CYYR1: variants seen among roughly 807,000 people sequenced by gnomAD.
CYYR1 encodes the protein cysteine and tyrosine rich 1.
In CYYR1, 14 loss-of-function variants were observed where a neutral mutation model predicts 15.2. That is an observed-to-expected ratio of 0.92 (90% confidence interval 0.61 to 1.44). The LOEUF is 1.44. Among genes scored for constraint, CYYR1 ranks in the 40% most tolerant of loss-of-function variants. CYYR1 has a pLI of 0.00. For missense variants in CYYR1, 228 were observed against 209.5 expected (o/e 1.09, Z -0.54); for synonymous variants, 80 against 77.4 (o/e 1.03, Z -0.18).
rs1171672901 is a variant in CYYR1 at position 26,573,198 on chromosome 21, C to G, written c.-258G>C. The G allele has an allele frequency of 6.9e-7, 1 of 1,451,316 alleles. No individual in the cohort carries two copies. Among genetic ancestry groups the G allele is most frequent in the African/African-American group, 1.4e-5 (1 of 69,172 alleles). 89.9% of individuals were successfully genotyped at this position (1,451,316 alleles called of 1,614,324 possible). A position where few individuals can be genotyped will look rare whatever the true frequency, so the allele number is the denominator to read the frequency against. On this transcript the variant is annotated 5_prime_UTR_variant, in exon 1 of 4. Transcript: ENST00000652641. ...GGGGCCCAGGTCTCTTTGTCTCGCCCCACTGCGCTCAGGCGCGGGGAAGGC... is the reference window on the plus strand; with the variant it reads ...GGGGCCCAGGTCTCTTTGTCTCGCCGCACTGCGCTCAGGCGCGGGGAAGGC...
chr21:26,523,579 C>T (rs1348041003), intron 2 of CYYR1, among the ~76,000 whole-genome samples: 2 of 152,202 alleles, frequency 1.3e-5, no homozygotes, highest in Non-Finnish European at 2.9e-5. Context: ...TTTTCTACCA[C>T]TCATTCACTC....
At chr21:26,549,411 T>C (rs1408538106) in intron 2 of CYYR1, among the ~76,000 whole-genome samples, 1 of 152,198 alleles carries the variant, frequency 6.6e-6, no homozygotes, top group African/African-American at 2.4e-5. Context: ...TATTGTACTC[T>C]TTTCCCTTTC....
At chr21:26,479,645 T>C (rs1048401059) in intron 3 of CYYR1, among the ~76,000 whole-genome samples, 1 of 152,148 alleles carries the variant, frequency 6.6e-6, no homozygotes, top group East Asian at 1.9e-4. Context: ...ATTATTAATA[T>C]ATTGCCCTTG....
At chr21:26,561,439 C>A (rs2830282) in intron 2 of CYYR1, among the ~76,000 whole-genome samples, 1 of 152,012 alleles carries the variant, frequency 6.6e-6, no homozygotes, top group Non-Finnish European at 1.5e-5. Context: ...TCAAATGCCA[C>A]TCGAAAATAT....
chr21:26,468,617 C>T lies in CYYR1; in HGVS notation c.352G>A (p.Gly118Ser), dbSNP rs763257233. The T allele has an allele frequency of 1.5e-5, 24 of 1,607,668 alleles. No homozygotes were observed. In the Admixed American group the frequency reaches 1.9e-4, roughly 12 times the overall value. Residue 118 changes from glycine (G) to serine (S), a missense_variant, in exon 4 of 4, where the codon GGT (glycine) becomes AGT (serine). Transcript: ENST00000652641. Reference sequence around the variant, plus strand: ...CAGTATTCCATCTCGTGGTCGTGACCGTAGGGTGGTGGTCCTGCTGAAAAA... The same window carrying T: ...CAGTATTCCATCTCGTGGTCGTGACTGTAGGGTGGTGGTCCTGCTGAAAAA... The part of the protein sequence containing the change: ...SSYPAGPPPY[G>S]HDHEMEYCAD...
At chr21:26,555,388 T>A (rs1979699538) in intron 2 of CYYR1, among the ~76,000 whole-genome samples, 1 of 152,212 alleles carries the variant, frequency 6.6e-6, no homozygotes, top group Non-Finnish European at 1.5e-5. Context: ...TAGAGTTGGC[T>A]ATTTGCAACC....
intron 2 of CYYR1, among the ~76,000 whole-genome samples, chr21:26,508,196 C>G (rs570945300): frequency 6.6e-6 from 1 of 152,300 alleles, no homozygotes; most frequent in African/African-American, 2.4e-5. Flanking sequence ...AAACAACAAG[C>G]GGCTTTGTGT....
intron 2 of CYYR1, among the ~76,000 whole-genome samples, chr21:26,539,961 TATAAA>T (rs1396811560): frequency 6.6e-6 from 1 of 152,234 alleles, no homozygotes; most frequent in Non-Finnish European, 1.5e-5. Context: ...TCTGATTTAA[TATAAA>T]AGTAAGAGGA....
At chr21:26,478,029 T>A (rs1424140749) in intron 3 of CYYR1, 1 of 1,545,254 alleles carries the variant, frequency 6.5e-7, no homozygotes, top group African/African-American at 1.4e-5. Flanking sequence ...GTTGTGTTCA[T>A]CATTCATTCA....
chr21:26,573,093 C>T lies in CYYR1; in HGVS notation c.-153G>A. On this transcript the variant is annotated 5_prime_UTR_variant, in exon 1 of 4. Transcript: ENST00000652641. ...TGCCTAGGGAGCCTTCCAAGGGAGC[C>T]CGGGCCGGGCGCGTCCCGGGCCAGC... is the stretch of plus-strand genomic sequence containing the variant. 6.5e-7 allele frequency: 1 copy of T among 1,527,394 alleles called. No homozygotes were observed. Among genetic ancestry groups the T allele is most frequent in the East Asian group, 2.5e-5 (1 of 40,208 alleles). 94.6% of individuals were successfully genotyped at this position (1,527,394 alleles called of 1,614,324 possible).
intron 2 of CYYR1, among the ~76,000 whole-genome samples, chr21:26,535,895 G>A (rs1487845573): frequency 6.6e-6 from 1 of 152,164 alleles, no homozygotes; most frequent in Non-Finnish European, 1.5e-5. Context: ...TAAGTTGCCA[G>A]AGAAGCATGA....
At chr21:26,550,445 TG>T (rs1979305802) in intron 2 of CYYR1, 1 of 152,146 alleles carries the variant, frequency 6.6e-6, no homozygotes, top group Admixed American at 6.5e-5. Context: ...AAGCTAGAAA[TG>T]ATTAAGCTTC....
chr21:26,500,424 T>C (rs1419455557), intron 2 of CYYR1, among the ~76,000 whole-genome samples: 1 of 151,298 alleles, frequency 6.6e-6, no homozygotes, highest in African/African-American at 2.4e-5. Context: ...AATAGGAGAG[T>C]CTGAGTCTTT....
At chr21:26,474,926 T>C (rs1473788239) in intron 3 of CYYR1, among the ~76,000 whole-genome samples, 2 of 152,164 alleles carry the variant, frequency 1.3e-5, no homozygotes, top group Non-Finnish European at 2.9e-5. Context: ...TTATGGGCCA[T>C]CACTAAAATT....
chr21:26,564,516 C>G (rs1436147536), intron 2 of CYYR1: 2 of 272,934 alleles, frequency 7.3e-6, no homozygotes, highest in Admixed American at 1.3e-4. Context: ...CTTCACTTAA[C>G]CAGCGGTGAG....
chr21:26,500,094 G>A (rs1037237551), intron 2 of CYYR1, among the ~76,000 whole-genome samples: 4 of 152,038 alleles, frequency 2.6e-5, no homozygotes, highest in African/African-American at 9.7e-5. Flanking sequence ...CCACCATCTT[G>A]CTGTGTCTTC....
chr21:26,522,187 C>T (rs1284229570), intron 2 of CYYR1, among the ~76,000 whole-genome samples: 1 of 152,172 alleles, frequency 6.6e-6, no homozygotes, highest in Non-Finnish European at 1.5e-5. Context: ...AATATTCCCA[C>T]TGTAGAGAAG....
chr21:26,482,505 T>TCA, intron 2 of CYYR1: 7 of 985,368 alleles, frequency 7.1e-6, no homozygotes, highest in Non-Finnish European at 7.2e-6. Context: ...TTGCTGGTCC[T>TCA]CACATTTAGT....
intron 2 of CYYR1, among the ~76,000 whole-genome samples, chr21:26,563,097 T>C (rs370857027): frequency 1.3e-5 from 2 of 152,172 alleles, no homozygotes; most frequent in African/African-American, 4.8e-5. Context: ...GATTCTCCTA[T>C]ACTAAAGCCA....
Sources: allele counts gnomAD v4.1 joint callset (sites outside exome capture counted in the v4.1 genomes callset), GRCh38; gene constraint gnomAD v4.1.1; transcripts MANE v1.5; gene names NCBI Gene and HGNC (gene_info 2026-07-23, HGNC 2026-07-21).